The following USP42 variants were observed in gnomAD, a reference collection of about 807,000 sequenced individuals.
USP42 encodes the protein ubiquitin specific peptidase 42, also known as ubiquitin carboxyl-terminal hydrolase 42.
Under a neutral mutation model 113.0 loss-of-function variants are expected in USP42, and 23 were observed. The ratio of observed to expected loss-of-function variants is 0.20; its 90% confidence interval spans 0.15 to 0.29. USP42 has a LOEUF of 0.29. Among genes scored for constraint, USP42 ranks in the 10% least tolerant of loss-of-function variants. USP42 has a pLI of 1.00. For synonymous variants in USP42, 933 were observed against 699.0 expected (o/e 1.33, Z -5.28); for missense variants, 2,174 against 1,779.8 (o/e 1.22, Z -3.99).
rs77191979 is a variant in USP42 at position 6,136,823 on chromosome 7, C to A, written c.553+872C>A. On this transcript the variant is annotated intron_variant, in intron 4 of 17. Coordinates refer to ENST00000306177, the MANE Select transcript of USP42 (RefSeq NM_032172.3). Reference sequence around the variant, plus strand: ...TTCGGTTCTTCTTTTTTTTTTTTTTCAAGTGAGACTGTGTCTCACTGTTTT... The same window carrying A: ...TTCGGTTCTTCTTTTTTTTTTTTTTAAAGTGAGACTGTGTCTCACTGTTTT... 2.4e-5 allele frequency among the ~76,000 whole-genome samples: 3 copies of A among 122,992 alleles called. No homozygotes were observed. In the Admixed American group the frequency reaches 2.5e-4, roughly 10 times the overall value. The allele number at this position is 122,992 out of a possible 152,430, so 80.7% of individuals were successfully genotyped here.
Position 6,149,799 on chromosome 7 carries a change from T to G in USP42, c.1603T>G (p.Cys535Gly), listed in dbSNP as rs1273784682. The G allele has an allele frequency of 6.2e-7, 1 of 1,614,054 alleles. No homozygotes were observed. Among genetic ancestry groups the G allele is most frequent in the Non-Finnish European group, 8.5e-7 (1 of 1,179,912 alleles). ...SIHNKLPVRQ[C>G]QSQPNLHSNS... ...TCACAACAAGTTGCCTGTTCGCCAG[T>G]GTCAGTCTCAACCTAACCTTCATAG... Residue 535 changes from cysteine (C) to glycine (G), a missense_variant, in exon 13 of 18, where the codon TGT becomes GGT. Cys to Gly is a radical substitution (Grantham distance 159). Coordinates refer to ENST00000306177, the MANE Select transcript of USP42 (RefSeq NM_032172.3).
At chr7:6,119,967 T>A (rs1780125632) in intron 3 of USP42, among the ~76,000 whole-genome samples, 1 of 151,838 alleles carries the variant, frequency 6.6e-6, no homozygotes, top group Non-Finnish European at 1.5e-5. Flanking sequence ...CTTTTTTTGT[T>A]TTTGTTTTTG....
chr7:6,138,491 T>C (rs918191796), intron 4 of USP42, among the ~76,000 whole-genome samples: 4 of 152,220 alleles, frequency 2.6e-5, no homozygotes, highest in Admixed American at 2.6e-4. Context: ...TATTCAAGTG[T>C]AACTTTATTA....
intron 3 of USP42, among the ~76,000 whole-genome samples, chr7:6,126,222 C>T (rs113287846): frequency 5.3e-5 from 8 of 151,776 alleles, no homozygotes; most frequent in African/African-American, 1.9e-4. Flanking sequence ...TGATCCAGGT[C>T]GTTGCATGTA....
chr7:6,100,004 CTATTAT>C (rs1554332997), upstream of USP42, among the ~76,000 whole-genome samples: 52 of 144,326 alleles, frequency 3.6e-4, 2 homozygotes, highest in Admixed American at 2.7e-3. Flanking sequence ...TTTCACAAGT[CTATTAT>C]TATTATTATT....
Position 6,154,383 on chromosome 7 carries a change from C to T in USP42, c.2829C>T (p.Gly943=), listed in dbSNP as rs1583689147. 3 of 1,576,656 alleles carry T rather than the reference C, an allele frequency of 1.9e-6. No homozygotes were observed. The highest frequency in any genetic ancestry group is 2.4e-5 in the East Asian group (1 of 42,408). ...PGPSPAKEKI[G]SLRKVDRGHY... The stretch of plus-strand genomic sequence containing the variant: ...CTTCCCCAGCGAAGGAGAAAATCGG[C>T]AGCCTCAGAAAGGTGGACCGAGGCC... The change falls in exon 15 of 18, where the codon GGC becomes GGT. Residue 943 remains glycine (G), a synonymous_variant. Coordinates refer to ENST00000306177, the MANE Select transcript of USP42 (RefSeq NM_032172.3).
intron 9 of USP42, among the ~76,000 whole-genome samples, chr7:6,144,594 G>A (rs916227467): frequency 6.6e-6 from 1 of 152,202 alleles, no homozygotes; most frequent in Admixed American, 6.5e-5. Flanking sequence ...AATCGGCCGA[G>A]TGTGGTGGCT....
intron 2 of USP42, among the ~76,000 whole-genome samples, chr7:6,114,152 T>C (rs1779750801): frequency 6.6e-6 from 1 of 152,170 alleles, no homozygotes; most frequent in Admixed American, 6.6e-5. Flanking sequence ...GTTCAAAACC[T>C]GCTTCCTTAG....
rs1781308840 is a variant in USP42 at position 6,139,034 on chromosome 7, T to C, written c.554-58T>C. ...TTATTATAAGATATATTTTGGGGGG[T>C]ACAACTTAGGCTTATTACGTGTAAT... On this transcript the variant is annotated intron_variant, in intron 4 of 17. Coordinates refer to ENST00000306177, the MANE Select transcript of USP42 (RefSeq NM_032172.3). This position sits in a 1 kb window ranked among gnomAD's most constrained non-coding sequence, Gnocchi z 4.5. The C allele has an allele frequency of 1.7e-6, 2 of 1,156,658 alleles. No homozygotes were observed. The highest frequency in any genetic ancestry group is 2.5e-6 in the Non-Finnish European group (2 of 811,768). The allele number at this position is 1,156,658 out of a possible 1,614,324, so 71.6% of individuals were successfully genotyped here.
chr7:6,121,437 T>G (rs943493052), intron 3 of USP42, among the ~76,000 whole-genome samples: 1 of 152,238 alleles, frequency 6.6e-6, no homozygotes, highest in African/African-American at 2.4e-5. Flanking sequence ...TTCGTAAGTA[T>G]TATTAGCCTA....
intron 3 of USP42, 121 bp from the exon 4 acceptor site, chr7:6,135,720 C>G (rs964335811): frequency 4.4e-5 from 14 of 316,274 alleles, no homozygotes; most frequent in Non-Finnish European, 3.6e-5. Context: ...GTAGATAGCT[C>G]AAGGCATGCA....
At chr7:6,152,033 A>C (rs962194730) in intron 14 of USP42, among the ~76,000 whole-genome samples, 1 of 150,804 alleles carries the variant, frequency 6.6e-6, no homozygotes, top group African/African-American at 2.4e-5. Flanking sequence ...CCCACAATTT[A>C]AAAAAAAAAT....
chr7:6,142,633 A>G (rs1421089859), intron 7 of USP42, among the ~76,000 whole-genome samples: 1 of 152,154 alleles, frequency 6.6e-6, no homozygotes, highest in Non-Finnish European at 1.5e-5. Flanking sequence ...CTGTAATCCT[A>G]ACAGTTTGGG....
intron 11 of USP42, among the ~76,000 whole-genome samples, chr7:6,147,446 A>G (rs1268996362): frequency 2.6e-5 from 4 of 152,200 alleles, no homozygotes; most frequent in African/African-American, 7.2e-5. Context: ...CCTGTCTCAA[A>G]AAAAGGAAAA....
chr7:6,108,636 A>G (rs553548701), intron 1 of USP42, among the ~76,000 whole-genome samples: 203 of 152,236 alleles, frequency 1.3e-3, no homozygotes, highest in African/African-American at 4.6e-3. Flanking sequence ...ACGCACCACC[A>G]TGCCCAGCTA....
At chr7:6,108,725 C>G (rs975147258) in intron 1 of USP42, among the ~76,000 whole-genome samples, 1 of 152,142 alleles carries the variant, frequency 6.6e-6, no homozygotes, top group Non-Finnish European at 1.5e-5. Context: ...GTGATCCACC[C>G]GCCTTGGCCT....
At chr7:6,091,979 T>TCTTCC in the USP42 span, among the ~76,000 whole-genome samples, 5 of 21,684 alleles carry the variant, frequency 2.3e-4, no homozygotes, top group Middle Eastern at 0.018. Flanking sequence ...GACGTATTTT[T>TCTTCC]TCTTCTTCTT....
At chr7:6,114,151 C>T (rs1175815645) in intron 2 of USP42, among the ~76,000 whole-genome samples, 1 of 152,110 alleles carries the variant, frequency 6.6e-6, no homozygotes, top group East Asian at 1.9e-4. Flanking sequence ...AGTTCAAAAC[C>T]TGCTTCCTTA....
intron 4 of USP42, among the ~76,000 whole-genome samples, chr7:6,136,293 C>T (rs1376050956): frequency 6.6e-6 from 1 of 152,074 alleles, no homozygotes; most frequent in African/African-American, 2.4e-5. Flanking sequence ...CGTGAGCCAC[C>T]ATGCCTGGCC....
Sources: allele counts gnomAD v4.1 joint callset (sites outside exome capture counted in the v4.1 genomes callset), GRCh38; gene constraint gnomAD v4.1.1; non-coding constraint Gnocchi (gnomAD v3.1); transcripts MANE v1.5; gene names NCBI Gene and HGNC (gene_info 2026-07-23, HGNC 2026-07-21).